The following DNER variants were observed in gnomAD, a reference collection of about 807,000 sequenced individuals.
DNER encodes the protein delta/notch like EGF repeat containing, also known as delta and Notch-like epidermal growth factor-related receptor.
A neutral mutation model predicts 78.2 loss-of-function variants in DNER; 33 were observed. That is an observed-to-expected ratio of 0.42 (90% CI 0.32 to 0.56). The LOEUF (loss-of-function observed/expected upper bound fraction) is 0.56. Among genes scored for constraint, DNER ranks in the 20% least tolerant of loss-of-function variants. DNER has a pLI of 0.11. For missense variants in DNER, 918 were observed against 975.3 expected (o/e 0.94, Z 0.78); for synonymous variants, 417 against 384.8 (o/e 1.08, Z -0.98).
chr2:229,712,699 G>T (rs558788381), intron 1 of DNER, among the ~76,000 whole-genome samples: 1 of 152,252 alleles, frequency 6.6e-6, no homozygotes, highest in Non-Finnish European at 1.5e-5. Flanking sequence ...TGTTCTAATG[G>T]TTAGAATGGC....
intron 10 of DNER, among the ~76,000 whole-genome samples, chr2:229,403,429 A>G (rs181643034): frequency 1.7e-4 from 26 of 152,294 alleles, no homozygotes; most frequent in Admixed American, 1.6e-3. Flanking sequence ...TCCTTTATGA[A>G]TCTGCACGTG....
intron 5 of DNER, among the ~76,000 whole-genome samples, chr2:229,533,323 A>C (rs2154212872): frequency 6.6e-6 from 1 of 152,162 alleles, no homozygotes; most frequent in East Asian, 1.9e-4. Context: ...ATATTAAGAC[A>C]TGATGTGCCT....
chr2:229,610,245 G>C (rs896311024), intron 1 of DNER, among the ~76,000 whole-genome samples: 1 of 152,190 alleles, frequency 6.6e-6, no homozygotes, highest in Non-Finnish European at 1.5e-5. Context: ...ACACAGAAAA[G>C]GGAGCATTTG....
At chr2:229,606,763 C>T (rs7583906) in intron 1 of DNER, among the ~76,000 whole-genome samples, 9,339 of 151,968 alleles carry the variant, frequency 0.061, 885 homozygotes, top group African/African-American at 0.2. Context: ...CGTGGTGGTG[C>T]GCTCCTGTAA....
chr2:229,459,803 C>T lies in DNER; in HGVS notation c.1262-12263G>A, dbSNP rs1358388820. Among the ~76,000 whole-genome samples the T allele has an allele frequency of 2.6e-5, 4 of 151,954 alleles. No homozygotes were observed. In the East Asian group the frequency reaches 7.7e-4, roughly 29 times the overall value. ...GTGTGTGCCTGTAATCCCGGCTACT[C>T]AGGAGGCTGAGGCAGGAGTTCAAGA... On this transcript the variant is annotated intron_variant, in intron 7 of 12. Transcript: ENST00000341772.
At chr2:229,400,666 A>C (rs1179145630) in intron 10 of DNER, among the ~76,000 whole-genome samples, 1 of 152,146 alleles carries the variant, frequency 6.6e-6, no homozygotes, top group East Asian at 1.9e-4. Flanking sequence ...GTATAAAATA[A>C]ATATCCATGA....
chr2:229,379,315 A>C (rs1283514519), intron 11 of DNER, among the ~76,000 whole-genome samples: 2 of 146,282 alleles, frequency 1.4e-5, no homozygotes, highest in Non-Finnish European at 3.0e-5. Flanking sequence ...CATTTGCCTC[A>C]TGTAATCCTC....
chr2:229,542,827 G>T (rs1048197004), intron 5 of DNER, among the ~76,000 whole-genome samples: 79 of 151,626 alleles, frequency 5.2e-4, no homozygotes, highest in African/African-American at 1.9e-3. Context: ...CTGCCTTAGG[G>T]AGTTCAAGTC....
At chr2:229,678,389 G>A (rs1325464217) in intron 1 of DNER, among the ~76,000 whole-genome samples, 1 of 152,142 alleles carries the variant, frequency 6.6e-6, no homozygotes, top group Non-Finnish European at 1.5e-5. Context: ...TCTTCAGGAA[G>A]GCAAATTGCA....
chr2:229,714,537 C>A lies in DNER; in HGVS notation c.-114G>T. ...TGGCGGCTAGGGCTGCTCCGCCGGG[C>A]CGGGCGCCTCCTGCAGCTGCGGGAT... On this transcript the variant is annotated 5_prime_UTR_variant, in exon 1 of 13. Transcript: ENST00000341772. The A allele has an allele frequency of 9.7e-7, 1 of 1,033,320 alleles. No homozygotes were observed. Among genetic ancestry groups the A allele is most frequent in the Non-Finnish European group, 1.2e-6 (1 of 860,776 alleles). The allele number at this position is 1,033,320 out of a possible 1,614,324, so 64.0% of individuals were successfully genotyped here. A position where few individuals can be genotyped will look rare whatever the true frequency, so the allele number is the denominator to read the frequency against.
chr2:229,590,203 A>G (rs181179044), intron 2 of DNER, among the ~76,000 whole-genome samples: 6 of 152,284 alleles, frequency 3.9e-5, no homozygotes, highest in Middle Eastern at 3.4e-3. Flanking sequence ...CAACTCTTCT[A>G]CCCAGCAAAT....
At chr2:229,386,360 T>TA (rs1159675707) in intron 11 of DNER, among the ~76,000 whole-genome samples, 3 of 152,078 alleles carry the variant, frequency 2.0e-5, no homozygotes, top group African/African-American at 7.2e-5. Flanking sequence ...CCTAAAACTG[T>TA]AAAAACCCTA....
rs58371383 is a variant in DNER at position 229,669,369 on chromosome 2, C to CATATATATATATATAT, written c.276+44763_276+44778dup. On this transcript the variant is annotated intron_variant, in intron 1 of 12. Coordinates refer to ENST00000341772, the MANE Select transcript of DNER (RefSeq NM_139072.4). ...ATCCCAGAACTTTTATGTATACATA[C>CATATATATATATATAT]ATATATATATATATATATAAAAGAA... 7.2e-3 allele frequency among the ~76,000 whole-genome samples: 1,041 copies of CATATATATATATATAT among 144,680 alleles called. 15 individuals carry two copies. The highest frequency in any genetic ancestry group is 0.026 in the East Asian group (126 of 4,880). 94.9% of individuals were successfully genotyped at this position (144,680 alleles called of 152,430 possible).
chr2:229,363,471 G>C (rs1243930661), intron 12 of DNER, among the ~76,000 whole-genome samples: 1 of 152,178 alleles, frequency 6.6e-6, no homozygotes, highest in Non-Finnish European at 1.5e-5. Context: ...CTGAGACCCA[G>C]CCATGGCCTC....
chr2:229,452,023 G>C (rs1432393179), intron 7 of DNER, among the ~76,000 whole-genome samples: 1 of 152,170 alleles, frequency 6.6e-6, no homozygotes, highest in East Asian at 1.9e-4. Flanking sequence ...GAGAAGTGCA[G>C]AAAATGAATA....
At chr2:229,620,182 C>G (rs72991646) in intron 1 of DNER, among the ~76,000 whole-genome samples, 97 of 152,012 alleles carry the variant, frequency 6.4e-4, no homozygotes, top group African/African-American at 2.3e-3. Flanking sequence ...CCTCCTGGGC[C>G]GGAATGTGAT....
chr2:229,589,909 C>A (rs7559914), intron 2 of DNER, among the ~76,000 whole-genome samples: 4,440 of 134,586 alleles, frequency 0.033, 1 homozygote, highest in Non-Finnish European at 0.037. Context: ...TGTGGTAATA[C>A]AAAAAAAAAA....
intron 6 of DNER, among the ~76,000 whole-genome samples, chr2:229,484,244 T>C (rs1695224992): frequency 6.6e-6 from 1 of 152,234 alleles, no homozygotes; most frequent in Non-Finnish European, 1.5e-5. Context: ...CTTGTTTTCC[T>C]AATGCACATT....
At chr2:229,466,604 G>A (rs2154211013) in intron 7 of DNER, among the ~76,000 whole-genome samples, 1 of 152,212 alleles carries the variant, frequency 6.6e-6, no homozygotes, top group South Asian at 2.1e-4. Context: ...GACCCATGAG[G>A]CCGAAGCCAC....
Sources: gnomAD v4.1 joint callset for allele counts (sites outside exome capture counted in the v4.1 genomes callset) on GRCh38, gnomAD v4.1.1 for gene constraint, MANE v1.5 for transcripts, NCBI Gene and HGNC (gene_info 2026-07-23, HGNC 2026-07-21) for gene names.